KCNIP4: variants seen among roughly 807,000 people sequenced by gnomAD.
KCNIP4 encodes the protein Kv channel-interacting protein 4.
KCNIP4 carries 12 observed loss-of-function variants against 34.0 expected under a neutral mutation model. The ratio of observed to expected loss-of-function variants is 0.35; its 90% CI spans 0.23 to 0.57. KCNIP4 has a LOEUF of 0.57. KCNIP4 is among the 20% of genes least tolerant of loss of function. The pLI is 0.83. For synonymous variants in KCNIP4, 124 were observed against 102.2 expected, an observed-to-expected ratio of 1.21 and a Z score of -1.29; for missense variants, 238 against 311.7, an observed-to-expected ratio of 0.76 and a Z score of 1.78.
intron 1 of KCNIP4, among the ~76,000 whole-genome samples, chr4:21,631,600 A>C: frequency 6.6e-6 from 1 of 152,202 alleles, no homozygotes. Context: ...TAGTTTCTGC[A>C]ACTCCACGGT....
chr4:21,311,972 C>A (rs1245928448), intron 1 of KCNIP4, among the ~76,000 whole-genome samples: 1 of 152,134 alleles, frequency 6.6e-6, no homozygotes, highest in Admixed American at 6.5e-5. Flanking sequence ...CTAGACTAGT[C>A]TAGTCTTATT....
intron 1 of KCNIP4, among the ~76,000 whole-genome samples, chr4:21,783,903 C>T (rs1719733766): frequency 6.6e-6 from 1 of 152,124 alleles, no homozygotes; most frequent in Non-Finnish European, 1.5e-5. Context: ...AGCATAATTA[C>T]ATTATTTGAC....
chr4:21,798,570 G>GAAAGAA (rs1476037994), intron 1 of KCNIP4, among the ~76,000 whole-genome samples: 39 of 111,076 alleles, frequency 3.5e-4, no homozygotes, highest in African/African-American at 1.1e-3. Flanking sequence ...GAAAAAGAAA[G>GAAAGAA]AAAGAAAGAA....
At chr4:21,341,722 G>A (rs1716782678) in intron 1 of KCNIP4, among the ~76,000 whole-genome samples, 1 of 152,052 alleles carries the variant, frequency 6.6e-6, no homozygotes, top group South Asian at 2.1e-4. Context: ...TGAGATACAT[G>A]AATCAGTTCT....
At chr4:20,967,817 C>T (rs940550757) in intron 1 of KCNIP4, among the ~76,000 whole-genome samples, 8 of 152,056 alleles carry the variant, frequency 5.3e-5, no homozygotes, top group South Asian at 2.1e-4. Flanking sequence ...GACCTAAAAC[C>T]GTAAAAAACC....
intron 3 of KCNIP4, among the ~76,000 whole-genome samples, chr4:20,845,926 C>G (rs1347868193): frequency 2.0e-5 from 3 of 152,156 alleles, no homozygotes; most frequent in Non-Finnish European, 4.4e-5. Context: ...CCTCATGAAA[C>G]TCCAACCAGA....
intron 1 of KCNIP4, chr4:21,697,297 A>G (rs1712425024): frequency 8.6e-6 from 12 of 1,390,306 alleles, no homozygotes; most frequent in Non-Finnish European, 1.1e-5. Flanking sequence ...CTTCATTACC[A>G]TGCTCTACTA....
chr4:20,841,081 C>G (rs1237111356), intron 3 of KCNIP4, among the ~76,000 whole-genome samples: 1 of 152,104 alleles, frequency 6.6e-6, no homozygotes, highest in Non-Finnish European at 1.5e-5. Context: ...AGTTCTTTTA[C>G]TAAAGGAGCC....
Position 21,864,022 on chromosome 4 carries a change from G to A in KCNIP4, c.61+84549C>T, listed in dbSNP as rs138877125. 1.8e-4 allele frequency among the ~76,000 whole-genome samples: 27 copies of A among 152,166 alleles called. 1 individual carries two copies. The highest frequency in any genetic ancestry group is 3.3e-4 in the Admixed American group (5 of 15,290). ...AAGACCTGAAGTAATGTTTTTCCAC[G>A]GTAGAAATGTAATAATTCTATGAAA... is the stretch of plus-strand genomic sequence containing the variant. On this transcript the variant is annotated intron_variant, in intron 1 of 8. Coordinates refer to ENST00000382152, the MANE Select transcript of KCNIP4 (RefSeq NM_025221.6).
chr4:21,699,050 G>C (rs887606204), intron 1 of KCNIP4, among the ~76,000 whole-genome samples: 2 of 152,144 alleles, frequency 1.3e-5, no homozygotes, highest in African/African-American at 2.4e-5. Context: ...CGTGCTTTCT[G>C]AAGTTCTTTC....
intron 1 of KCNIP4, among the ~76,000 whole-genome samples, chr4:21,753,223 G>C (rs188834833): frequency 9.2e-5 from 14 of 152,258 alleles, no homozygotes; most frequent in Admixed American, 8.5e-4. Context: ...CACACTATCT[G>C]AGGTCTTAGA....
intron 1 of KCNIP4, among the ~76,000 whole-genome samples, chr4:21,510,102 G>T (rs1295167775): frequency 7.7e-6 from 1 of 129,388 alleles, no homozygotes; most frequent in Non-Finnish European, 1.5e-5. Flanking sequence ...AAAAAAAAAG[G>T]CAGCAATCTG....
chr4:20,870,898 C>T (rs1444547374), intron 2 of KCNIP4, among the ~76,000 whole-genome samples: 1 of 152,084 alleles, frequency 6.6e-6, no homozygotes, highest in Non-Finnish European at 1.5e-5. Flanking sequence ...TCTCTATTCT[C>T]TAAGGCTCAT....
chr4:21,476,938 T>C (rs1352242119), intron 1 of KCNIP4, among the ~76,000 whole-genome samples: 1 of 152,152 alleles, frequency 6.6e-6, no homozygotes, highest in Non-Finnish European at 1.5e-5. Context: ...CAGGCAGGAC[T>C]CTGTCCTGGG....
intron 3 of KCNIP4, among the ~76,000 whole-genome samples, chr4:20,845,088 A>T (rs1053380736): frequency 4.6e-5 from 7 of 152,092 alleles, no homozygotes; most frequent in Non-Finnish European, 5.9e-5. Context: ...TGTGACCCCC[A>T]GTGAGTCACA....
chr4:21,091,714 T>C (rs1747009457), intron 1 of KCNIP4, among the ~76,000 whole-genome samples: 1 of 152,190 alleles, frequency 6.6e-6, no homozygotes, highest in African/African-American at 2.4e-5. Context: ...CCCTATTTCA[T>C]GTCACAGACT....
At chr4:21,624,474 AATT>A (rs1411083374) in intron 1 of KCNIP4, among the ~76,000 whole-genome samples, 1 of 152,152 alleles carries the variant, frequency 6.6e-6, no homozygotes, top group Non-Finnish European at 1.5e-5. Context: ...AGGATGGGAT[AATT>A]ATATGATTCA....
chr4:20,893,801 A>T (rs913241060), intron 1 of KCNIP4, among the ~76,000 whole-genome samples: 5 of 152,138 alleles, frequency 3.3e-5, no homozygotes, highest in African/African-American at 7.2e-5. Flanking sequence ...TGACAGCAGT[A>T]TCTTTTTGGA....
chr4:21,449,389 T>C (rs1175958792), intron 1 of KCNIP4, among the ~76,000 whole-genome samples: 1 of 152,132 alleles, frequency 6.6e-6, no homozygotes, highest in East Asian at 1.9e-4. Flanking sequence ...TGCCTCAAGA[T>C]GGATCATATT....
Sources: gnomAD v4.1 joint callset for allele counts (sites outside exome capture counted in the v4.1 genomes callset) on GRCh38, gnomAD v4.1.1 for gene constraint, MANE v1.5 for transcripts, NCBI Gene and HGNC (gene_info 2026-07-23, HGNC 2026-07-21) for gene names.